APBB2: variants seen among roughly 807,000 people sequenced by gnomAD.
The protein encoded by APBB2 is Fe65-like 1.
Under a neutral mutation model 82.5 loss-of-function variants are expected in APBB2, and 38 were observed. The observed-to-expected ratio is 0.46, with a 90% CI of 0.36 to 0.60. APBB2 has a LOEUF of 0.60. APBB2 is among the 20% of genes least tolerant of loss of function. The pLI, the probability that APBB2 is intolerant of heterozygous loss-of-function variation, is 0.00. For missense variants in APBB2, 772 were observed against 972.3 expected (o/e 0.79, Z 2.74); for synonymous variants, 341 against 368.2 (o/e 0.93, Z 0.85).
intron 1 of APBB2, among the ~76,000 whole-genome samples, chr4:41,182,967 A>C (rs1349147770): frequency 6.6e-6 from 1 of 152,212 alleles, no homozygotes; most frequent in Non-Finnish European, 1.5e-5. Context: ...ATGTCTAAGA[A>C]GCATCAGAAA....
intron 6 of APBB2, among the ~76,000 whole-genome samples, chr4:40,993,706 A>G (rs1167352925): frequency 6.6e-6 from 1 of 152,090 alleles, no homozygotes; most frequent in East Asian, 1.9e-4. Context: ...TGATTCTATC[A>G]AAAACAAAAG....
Position 40,895,443 on chromosome 4 carries a change from G to A in APBB2, c.1255-2032C>T, listed in dbSNP as rs1375511004. Among the ~76,000 whole-genome samples, 5 of 152,232 alleles carry A rather than the reference G, an allele frequency of 3.3e-5. 1 individual carries two copies. Among genetic ancestry groups the A allele is most frequent in the Non-Finnish European group, 7.3e-5 (5 of 68,044 alleles). On this transcript the variant is annotated intron_variant, in intron 10 of 17. Coordinates refer to ENST00000508593, the MANE Select transcript of APBB2 (RefSeq NM_004307.2). ...GGAACCAGCCCGATGGTGAAGAGGA[G>A]GTCCCGGGTGCCAGAGCTGGCTGTG...
At chr4:40,860,719 A>G (rs148576418) in intron 12 of APBB2, among the ~76,000 whole-genome samples, 195 of 152,306 alleles carry the variant, frequency 1.3e-3, no homozygotes, top group African/African-American at 4.4e-3. Flanking sequence ...CAGTAAGCAC[A>G]TTTCCTGACA....
intron 6 of APBB2, among the ~76,000 whole-genome samples, chr4:40,971,176 C>T (rs941801728): frequency 2.0e-5 from 3 of 152,116 alleles, no homozygotes; most frequent in Non-Finnish European, 2.9e-5. Context: ...CAAAACATAA[C>T]GGGGGCTATT....
At chr4:41,101,846 C>T (rs1308214407) in intron 2 of APBB2, among the ~76,000 whole-genome samples, 1 of 151,868 alleles carries the variant, frequency 6.6e-6, no homozygotes, top group African/African-American at 2.4e-5. Context: ...GTAATCCCAG[C>T]TACTCAGAAG....
intron 5 of APBB2, among the ~76,000 whole-genome samples, chr4:41,024,597 C>T (rs1713189296): frequency 6.6e-6 from 1 of 152,244 alleles, no homozygotes; most frequent in African/African-American, 2.4e-5. Flanking sequence ...ATCTAAGAAG[C>T]CAGAGCTCAA....
chr4:41,138,180 A>C (rs1758122256), intron 2 of APBB2: 1 of 152,032 alleles, frequency 6.6e-6, no homozygotes, highest in Non-Finnish European at 1.5e-5. Context: ...AAACACAAAA[A>C]CTAAGTTTTA....
intron 6 of APBB2, 36 bp downstream of exon 6, chr4:41,013,547 A>G (rs1808985741): frequency 6.4e-7 from 1 of 1,557,950 alleles, no homozygotes; most frequent in East Asian, 2.2e-5. Context: ...AAAAAAAAAA[A>G]AGTGCCAGCT....
At position 41,144,649 on chromosome 4, in the gene APBB2, G is replaced by A. The variant is rs1026460854; in HGVS notation, c.-416-1507C>T. Among the ~76,000 whole-genome samples the A allele has an allele frequency of 7.9e-5, 12 of 152,294 alleles. No homozygotes were observed. The South Asian group carries it at 1.4e-3, about 18-fold the overall frequency. ...GATCACAGAAGTTCTTAATTTACAC[G>A]TTCAAAACCCAAGTGTCCAGTAACA... On this transcript the variant is annotated intron_variant, in intron 1 of 17. Coordinates refer to ENST00000508593, the MANE Select transcript of APBB2 (RefSeq NM_004307.2).
intron 7 of APBB2, 77 bp downstream of exon 7, chr4:40,944,788 G>C: frequency 1.4e-6 from 2 of 1,450,724 alleles, no homozygotes; most frequent in Non-Finnish European, 1.9e-6. Flanking sequence ...ACCTGTTGGG[G>C]CAGAAGCAAC....
chr4:40,997,180 CT>C (rs983543480), intron 6 of APBB2, among the ~76,000 whole-genome samples: 2 of 152,146 alleles, frequency 1.3e-5, no homozygotes, highest in African/African-American at 2.4e-5. Flanking sequence ...ATATAAACCC[CT>C]AAGTTTAGTG....
At chr4:40,912,837 C>T (rs997223322) in intron 10 of APBB2, among the ~76,000 whole-genome samples, 1 of 152,156 alleles carries the variant, frequency 6.6e-6, no homozygotes, top group Admixed American at 6.5e-5. Flanking sequence ...GGCAGAATCC[C>T]GCTTCTATTC....
chr4:40,866,011 T>C (rs1040679722), intron 12 of APBB2, among the ~76,000 whole-genome samples: 3 of 152,238 alleles, frequency 2.0e-5, no homozygotes, highest in African/African-American at 7.2e-5. Flanking sequence ...CTGTTGCGAA[T>C]GCAAAACGGT....
intron 10 of APBB2, among the ~76,000 whole-genome samples, chr4:40,894,424 T>C (rs1308281750): frequency 6.6e-6 from 1 of 151,880 alleles, no homozygotes; most frequent in Non-Finnish European, 1.5e-5. Context: ...ATCTGTTATT[T>C]GGTAAGCACC....
At chr4:41,159,949 G>GAAGAAGA (rs1560912987) in intron 1 of APBB2, among the ~76,000 whole-genome samples, 2 of 59,032 alleles carry the variant, frequency 3.4e-5, no homozygotes, top group Non-Finnish European at 6.4e-5. Flanking sequence ...GGAGGAGAAG[G>GAAGAAGA]AGAAGGAGAA....
At chr4:41,076,909 A>T (rs1735821873) in intron 3 of APBB2, among the ~76,000 whole-genome samples, 1 of 152,222 alleles carries the variant, frequency 6.6e-6, no homozygotes, top group Non-Finnish European at 1.5e-5. Flanking sequence ...AATTAATATT[A>T]TAATCACAGA....
chr4:41,082,820 A>G (rs1245942480), intron 3 of APBB2, among the ~76,000 whole-genome samples: 1 of 152,190 alleles, frequency 6.6e-6, no homozygotes, highest in Non-Finnish European at 1.5e-5. Context: ...GCTGGGCGGC[A>G]TGCAGTTTTA....
At chr4:40,965,493 C>T (rs1794455708) in intron 6 of APBB2, among the ~76,000 whole-genome samples, 1 of 152,050 alleles carries the variant, frequency 6.6e-6, no homozygotes, top group East Asian at 1.9e-4. Flanking sequence ...GCATATTAAA[C>T]GTGTCTAGTC....
At chr4:41,148,898 T>A (rs865835446) in intron 1 of APBB2, among the ~76,000 whole-genome samples, 1 of 152,322 alleles carries the variant, frequency 6.6e-6, no homozygotes, top group Admixed American at 6.5e-5. Flanking sequence ...GTAGGAAATA[T>A]AAAATACATA....
Sources: gnomAD v4.1 joint callset for allele counts (sites outside exome capture counted in the v4.1 genomes callset) on GRCh38, gnomAD v4.1.1 for gene constraint, MANE v1.5 for transcripts, NCBI Gene and HGNC (gene_info 2026-07-23, HGNC 2026-07-21) for gene names.